The following APCDD1 variants were observed in gnomAD, a reference collection of about 807,000 sequenced individuals.
The protein encoded by APCDD1 is APC down-regulated 1.
A neutral mutation model predicts 38.1 loss-of-function variants in APCDD1; 15 were observed. The observed-to-expected ratio is 0.39, with a 90% CI of 0.26 to 0.61. The LOEUF (loss-of-function observed/expected upper bound fraction) is 0.61. Ranked by LOEUF, APCDD1 falls within the 20% of genes least tolerant of loss-of-function variation. The pLI is 0.49. For missense variants in APCDD1, 647 were observed against 696.2 expected (o/e 0.93, Z 0.79); for synonymous variants, 261 against 279.7 (o/e 0.93, Z 0.67).
chr18:10,461,439 C>T lies in APCDD1; in HGVS notation c.58+6400C>T, dbSNP rs114852648. ...TTTTATGGTGGAATCATTTGGATAA[C>T]GTTATTCAGAATTCCTCTGGACTGG... On this transcript the variant is annotated intron_variant, in intron 1 of 4. Coordinates refer to ENST00000355285, the MANE Select transcript of APCDD1 (RefSeq NM_153000.5). 8.6e-3 allele frequency among the ~76,000 whole-genome samples: 1,302 copies of T among 152,258 alleles called. 18 individuals carry two copies. Among genetic ancestry groups the T allele is most frequent in the African/African-American group, 0.029 (1,203 of 41,542 alleles).
At chr18:10,482,089 C>G (rs1033857247) in intron 3 of APCDD1, among the ~76,000 whole-genome samples, 1 of 152,148 alleles carries the variant, frequency 6.6e-6, no homozygotes, top group Admixed American at 6.5e-5. Context: ...AGTTGCTCCT[C>G]GACGTCATCC....
chr18:10,482,815 C>G (rs1198933938), intron 3 of APCDD1, among the ~76,000 whole-genome samples: 2 of 152,174 alleles, frequency 1.3e-5, no homozygotes, highest in Non-Finnish European at 2.9e-5. Context: ...AATATCAGAA[C>G]TCTTGTTAAG....
intron 3 of APCDD1, chr18:10,477,762 G>A (rs780061761): frequency 2.0e-5 from 3 of 152,200 alleles, no homozygotes; most frequent in Non-Finnish European, 4.4e-5. Context: ...CCAGCCAGGA[G>A]TGCCCAGTGG....
chr18:10,458,721 A>G (rs2030447664), intron 1 of APCDD1, among the ~76,000 whole-genome samples: 3 of 152,230 alleles, frequency 2.0e-5, no homozygotes, highest in African/African-American at 7.2e-5. Context: ...ACTGATGACA[A>G]TATAATCAAT....
At chr18:10,457,740 C>T (rs908181643) in intron 1 of APCDD1, among the ~76,000 whole-genome samples, 4 of 152,200 alleles carry the variant, frequency 2.6e-5, no homozygotes. Flanking sequence ...TTATGTTTGG[C>T]ATCCAGTCTT....
In APCDD1 at chr18:10,487,689, G is replaced by C; in HGVS notation, c.1196G>C (p.Gly399Ala). 6.2e-7 allele frequency: 1 copy of C among 1,614,168 alleles called. No individual in the cohort carries two copies. Among genetic ancestry groups the C allele is most frequent in the Non-Finnish European group, 8.5e-7 (1 of 1,180,044 alleles). Residue 399 changes from glycine (G) to alanine (A), a missense_variant, in exon 5 of 5, where the codon GGC becomes GCC. Transcript: ENST00000355285. ...ECGAEGSWQV[G>A]IQQDVTHTNG... ...GGGGCCGAGGGCTCCTGGCAGGTGG[G>C]CATCCAGCAGGATGTGACCCACACC... is the stretch of plus-strand genomic sequence containing the variant.
chr18:10,462,514 C>T lies in APCDD1; in HGVS notation c.59-5955C>T, dbSNP rs1220983969. Among the ~76,000 whole-genome samples, 4 of 74,080 alleles carry T rather than the reference C, an allele frequency of 5.4e-5. 1 individual carries two copies. The highest frequency in any genetic ancestry group is 1.2e-4 in the Admixed American group (1 of 8,608). The allele number at this position is 74,080 out of a possible 152,430, so 48.6% of individuals were successfully genotyped here. On this transcript the variant is annotated intron_variant, in intron 1 of 4. Coordinates refer to ENST00000355285, the MANE Select transcript of APCDD1 (RefSeq NM_153000.5). ...CCTCCCTTCCTTCCTTCCTTCCTTC[C>T]TTCCTTCCTGTGACCCTCCCTTCCT... is the stretch of plus-strand genomic sequence containing the variant.
intron 3 of APCDD1, among the ~76,000 whole-genome samples, chr18:10,482,005 A>G (rs1307646158): frequency 1.3e-5 from 2 of 152,078 alleles, no homozygotes; most frequent in Admixed American, 1.3e-4. Flanking sequence ...GAAAACACTC[A>G]TTCTGGAACA....
At position 10,487,990 on chromosome 18, in the gene APCDD1, T is replaced by C; in HGVS notation, c.1497T>C (p.Ala499=). 1.2e-6 allele frequency: 2 copies of C among 1,613,928 alleles called. No individual in the cohort carries two copies. The highest frequency in any genetic ancestry group is 1.7e-6 in the Non-Finnish European group (2 of 1,180,030). Residue 499 remains alanine (A), a synonymous_variant, in exon 5 of 5, where the codon GCT becomes GCC. Coordinates refer to ENST00000355285, the MANE Select transcript of APCDD1 (RefSeq NM_153000.5). The part of the protein sequence containing the change: ...PGRHTWSLLL[A]ALACLVPLLH... ...GGCACACCTGGTCCCTGCTGCTGGCTGCACTTGCCTGCCTTGTCCCTCTGC... is the reference window on the plus strand; with the variant it reads ...GGCACACCTGGTCCCTGCTGCTGGCCGCACTTGCCTGCCTTGTCCCTCTGC...
At chr18:10,484,167 G>T (rs1416976848) in intron 3 of APCDD1, among the ~76,000 whole-genome samples, 1 of 152,226 alleles carries the variant, frequency 6.6e-6, no homozygotes, top group Non-Finnish European at 1.5e-5. Context: ...TTAAAGCTGA[G>T]AAAGCAGGAA....
At chr18:10,460,704 A>T (rs2030518970) in intron 1 of APCDD1, among the ~76,000 whole-genome samples, 1 of 152,204 alleles carries the variant, frequency 6.6e-6, no homozygotes, top group African/African-American at 2.4e-5. Flanking sequence ...TGAATGAATG[A>T]ATATTGACTT....
At chr18:10,478,762 T>C (rs498703) in intron 3 of APCDD1, among the ~76,000 whole-genome samples, 63,907 of 151,988 alleles carry the variant, frequency 0.42, 14,566 homozygotes, top group African/African-American at 0.6. Context: ...CAAGCCTGCC[T>C]GGGCAGTCTG....
chr18:10,485,647 C>T lies in APCDD1; in HGVS notation c.960C>T (p.Asn320=), dbSNP rs1412821214. Residue 320 remains asparagine (N), a synonymous_variant, in exon 4 of 5, where the codon AAC becomes AAT. Coordinates refer to ENST00000355285, the MANE Select transcript of APCDD1 (RefSeq NM_153000.5). The surrounding 1 kb of genome is among the most constrained non-coding windows in gnomAD (Gnocchi z 5.8). ...TRHFIFHDNN[N]TWEGHYYHYS... ...ACTTCATCTTCCATGACAACAACAA[C>T]ACCTGGGAGGGCCACTACTACCACT... 4 of 1,614,084 alleles carry T rather than the reference C, an allele frequency of 2.5e-6. No homozygotes were observed. The highest frequency in any genetic ancestry group is 2.2e-5 in the East Asian group (1 of 44,892).
In APCDD1 at chr18:10,470,430, G is replaced by A. The variant is rs188262064; in HGVS notation, c.243-1100G>A. On this transcript the variant is annotated intron_variant, in intron 2 of 4. Transcript: ENST00000355285. This position sits in a 1 kb window ranked among gnomAD's most constrained non-coding sequence, Gnocchi z 4.1. Reference sequence around the variant, plus strand: ...GACATCAGTTGTCAAACGTTACATAGCAACGGTACCCCTGTCTAAATAATG... The same window carrying A: ...GACATCAGTTGTCAAACGTTACATAACAACGGTACCCCTGTCTAAATAATG... 6.6e-6 allele frequency among the ~76,000 whole-genome samples: 1 copy of A among 152,294 alleles called. No homozygotes were observed. Among genetic ancestry groups the A allele is most frequent in the East Asian group, 1.9e-4 (1 of 5,190 alleles).
chr18:10,465,424 A>G (rs935063456), intron 1 of APCDD1, among the ~76,000 whole-genome samples: 1 of 152,046 alleles, frequency 6.6e-6, no homozygotes, highest in Non-Finnish European at 1.5e-5. Flanking sequence ...CATAAATTAC[A>G]CTCTCAGCAC....
chr18:10,480,391 T>C (rs2031106312), intron 3 of APCDD1, among the ~76,000 whole-genome samples: 1 of 152,238 alleles, frequency 6.6e-6, no homozygotes. Flanking sequence ...TAATTTCTGC[T>C]TCTCTGTAGT....
In APCDD1 at chr18:10,470,760, C is replaced by G. The variant is rs538389869; in HGVS notation, c.243-770C>G. 6.6e-6 allele frequency among the ~76,000 whole-genome samples: 1 copy of G among 152,314 alleles called. No individual in the cohort carries two copies. The highest frequency in any genetic ancestry group is 1.9e-4 in the East Asian group (1 of 5,182). The stretch of plus-strand genomic sequence containing the variant: ...AGTATATGTGAATGGCTGACAGAGC[C>G]GTTTGTGAAATCCCTCAATTCCATC... On this transcript the variant is annotated intron_variant, in intron 2 of 4. Coordinates refer to ENST00000355285, the MANE Select transcript of APCDD1 (RefSeq NM_153000.5). This position sits in a 1 kb window ranked among gnomAD's most constrained non-coding sequence, Gnocchi z 4.1.
rs1689214050 is a variant in APCDD1 at position 10,489,750 on chromosome 18, T to G, written c.*1712T>G. 6.6e-6 allele frequency: 1 copy of G among 151,942 alleles called. No individual in the cohort carries two copies. The highest frequency in any genetic ancestry group is 1.5e-5 in the Non-Finnish European group (1 of 68,014). 9.4% of individuals were successfully genotyped at this position (151,942 alleles called of 1,614,324 possible). A position where few individuals can be genotyped will look rare whatever the true frequency, so the allele number is the denominator to read the frequency against. On this transcript the variant is annotated 3_prime_UTR_variant, in exon 5 of 5. Transcript: ENST00000355285. The stretch of plus-strand genomic sequence containing the variant: ...AATGCCACAGCATTCAGTGTGGCAT[T>G]AAGTTACAACGACCACATAGAGTAC...
rs764251642 is a variant in APCDD1, at chr18:10,471,963, C to G, written c.676C>G (p.Leu226Val). The G allele has an allele frequency of 5.0e-6, 8 of 1,614,064 alleles. No individual in the cohort carries two copies. The highest frequency in any genetic ancestry group is 1.1e-5 in the South Asian group (1 of 91,086). Reference sequence around the variant, plus strand: ...GTACCTTCACCACAACCTCGACCACCTGGTCGAGGAGCTCTTCCTTGGTGA... The same window carrying G: ...GTACCTTCACCACAACCTCGACCACGTGGTCGAGGAGCTCTTCCTTGGTGA... ...KQYLHHNLDH[L>V]VEELFLGDIH... Residue 226 changes from leucine (L) to valine (V), a missense_variant, in exon 3 of 5, where the codon CTG becomes GTG. Coordinates refer to ENST00000355285, the MANE Select transcript of APCDD1 (RefSeq NM_153000.5). This position sits in a 1 kb window ranked among gnomAD's most constrained non-coding sequence, Gnocchi z 5.5.
Sources: allele counts gnomAD v4.1 joint callset (sites outside exome capture counted in the v4.1 genomes callset), GRCh38; gene constraint gnomAD v4.1.1; non-coding constraint Gnocchi (gnomAD v3.1); transcripts MANE v1.5; gene names NCBI Gene and HGNC (gene_info 2026-07-23, HGNC 2026-07-21).